ABCB4: variants seen among roughly 807,000 people sequenced by gnomAD.
ABCB4 encodes the protein phosphatidylcholine translocator ABCB4.
In ABCB4, 76 loss-of-function variants were observed where a neutral mutation model predicts 145.7. The ratio of observed to expected loss-of-function variants is 0.52; its 90% CI spans 0.43 to 0.63. The LOEUF (loss-of-function observed/expected upper bound fraction) is 0.63. Ranked by LOEUF, ABCB4 falls within the 30% of genes least tolerant of loss-of-function variation. The pLI is 0.00. For synonymous variants in ABCB4, 517 were observed against 566.8 expected, an observed-to-expected ratio of 0.91 and a Z score of 1.25; for missense variants, 1,234 against 1,553.1, an observed-to-expected ratio of 0.79 and a Z score of 3.45.
intron 2 of ABCB4, 25 bp from the exon 3 acceptor site, chr7:87,472,700 T>C (rs1813513796): frequency 6.8e-7 from 1 of 1,466,506 alleles, no homozygotes; most frequent in Non-Finnish European, 9.6e-7. Flanking sequence ...ATTGCTTCAA[T>C]TTAAAACTGT....
chr7:87,474,229 T>C (rs1813632374), intron 2 of ABCB4, among the ~76,000 whole-genome samples: 1 of 152,216 alleles, frequency 6.6e-6, no homozygotes, highest in South Asian at 2.1e-4. Context: ...GACTTCTTCA[T>C]GAAAATGCCA....
the ABCB4 span, among the ~76,000 whole-genome samples, chr7:87,377,930 T>TA: frequency 2.0e-5 from 3 of 152,168 alleles, no homozygotes; most frequent in East Asian, 5.8e-4. Context: ...ACCATTTTCA[T>TA]AAAAAATGAA....
At chr7:87,475,523 G>T in intron 1 of ABCB4, 52 bp from the exon 2 acceptor site, 1 of 1,591,444 alleles carries the variant, frequency 6.3e-7, no homozygotes, top group East Asian at 2.3e-5. Flanking sequence ...CGGCGGCCCG[G>T]CGCACGAGTC....
chr7:87,406,941 C>T (rs1808243174), intron 25 of ABCB4, among the ~76,000 whole-genome samples: 1 of 152,194 alleles, frequency 6.6e-6, no homozygotes, highest in South Asian at 2.1e-4. Context: ...GACTCTGGTC[C>T]TACCTCTACC....
intron 3 of ABCB4, among the ~76,000 whole-genome samples, chr7:87,468,375 A>T (rs1487906665): frequency 6.6e-6 from 1 of 151,936 alleles, no homozygotes; most frequent in Non-Finnish European, 1.5e-5. Flanking sequence ...ATAGACCAAT[A>T]ACGGGCTCTG....
At chr7:87,434,970 A>C (rs1218449725) in intron 14 of ABCB4, among the ~76,000 whole-genome samples, 1 of 152,216 alleles carries the variant, frequency 6.6e-6, no homozygotes, top group African/African-American at 2.4e-5. Context: ...CTGTTGCCAC[A>C]CAAGGAAGGC....
chr7:87,416,462 T>C lies in ABCB4; in HGVS notation c.2682+850A>G, dbSNP rs552714616. On this transcript the variant is annotated intron_variant, in intron 21 of 27. Coordinates refer to ENST00000649586, the MANE Select transcript of ABCB4 (RefSeq NM_000443.4). ...AAACCTATATCACAATTTATATTTA[T>C]TATCTGCTTCACTTCCTCATGTTTC... Among the ~76,000 whole-genome samples, 25 of 152,318 alleles carry C rather than the reference T, an allele frequency of 1.6e-4. No homozygotes were observed. The East Asian group carries it at 4.6e-3, about 28-fold the overall frequency.
chr7:87,442,415 T>A (rs1323918804), intron 12 of ABCB4, among the ~76,000 whole-genome samples: 7 of 152,184 alleles, frequency 4.6e-5, no homozygotes, highest in Admixed American at 3.9e-4. Context: ...CCTTATAATC[T>A]TCTGTTTTCA....
intron 24 of ABCB4, 90 bp from the exon 25 acceptor site, chr7:87,408,324 G>C (rs1437732832): frequency 7.8e-7 from 1 of 1,277,488 alleles, no homozygotes; most frequent in Non-Finnish European, 1.1e-6. Context: ...ACCAAAGACT[G>C]TAGTAGAGAA....
At chr7:87,412,591 T>A (rs1262738605) in intron 22 of ABCB4, among the ~76,000 whole-genome samples, 3 of 152,182 alleles carry the variant, frequency 2.0e-5, no homozygotes, top group Admixed American at 1.3e-4. Flanking sequence ...CTAATTTGAC[T>A]TCATGCTATA....
At chr7:87,391,662 A>C in the ABCB4 span, 2 of 1,612,224 alleles carry the variant, frequency 1.2e-6, no homozygotes, top group Non-Finnish European at 1.7e-6. Context: ...GCGATCATGC[A>C]CAGTTGAAGC....
the ABCB4 span, among the ~76,000 whole-genome samples, chr7:87,383,054 T>C: frequency 6.6e-6 from 1 of 152,192 alleles, no homozygotes; most frequent in Non-Finnish European, 1.5e-5. Flanking sequence ...TGTGTAATGG[T>C]CAAATCACGG....
intron 4 of ABCB4, among the ~76,000 whole-genome samples, chr7:87,461,194 C>T (rs537031347): frequency 1.3e-5 from 2 of 152,302 alleles, no homozygotes; most frequent in African/African-American, 4.8e-5. Context: ...TTAATTGCCA[C>T]CACCTTGGCC....
Position 87,459,911 on chromosome 7 carries a change from G to A in ABCB4, c.286+2847C>T, listed in dbSNP as rs557141428. 2.3e-4 allele frequency among the ~76,000 whole-genome samples: 35 copies of A among 152,304 alleles called. No individual in the cohort carries two copies. The South Asian group carries it at 7.2e-3, about 32-fold the overall frequency. ...TCTAATAAATGGTGCTTTATGGTTT[G>A]AAGATCAGGAAATGTGAAACCCAAA... On this transcript the variant is annotated intron_variant, in intron 4 of 27. Coordinates refer to ENST00000649586, the MANE Select transcript of ABCB4 (RefSeq NM_000443.4).
intron 27 of ABCB4, among the ~76,000 whole-genome samples, chr7:87,402,744 G>C (rs1807885563): frequency 6.6e-6 from 1 of 152,194 alleles, no homozygotes; most frequent in Non-Finnish European, 1.5e-5. Flanking sequence ...GCTCACGCCT[G>C]TAATCCCAGC....
chr7:87,398,103 CTTT>C (rs5885580), downstream of ABCB4, among the ~76,000 whole-genome samples: 1,526 of 145,096 alleles, frequency 0.011, 32 homozygotes, highest in African/African-American at 0.036. Context: ...CCTTCTCTGC[CTTT>C]TTTTTTTTTT....
At chr7:87,405,315 C>G (rs1808104106) in intron 26 of ABCB4, among the ~76,000 whole-genome samples, 1 of 151,586 alleles carries the variant, frequency 6.6e-6, no homozygotes, top group South Asian at 2.1e-4. Context: ...AAACGGAGAA[C>G]AGATTCATGT....
chr7:87,423,968 A>T lies in ABCB4; in HGVS notation c.2149T>A (p.Cys717Ser), dbSNP rs754668992. 19 of 1,614,094 alleles carry T rather than the reference A, an allele frequency of 1.2e-5. No individual in the cohort carries two copies. The highest frequency in any genetic ancestry group is 1.1e-5 in the Non-Finnish European group (13 of 1,179,984). Residue 717 changes from cysteine (C) to serine (S), a missense_variant, in exon 17 of 28, where the codon TGT becomes AGT. Physicochemically the swap from Cys to Ser is moderately radical, Grantham distance 112. This residue lies in a region of ABCB4 where 321 missense variants were observed against 332.6 expected (regional missense o/e 0.97). Transcript: ENST00000649586. ...TGAAGCCCCCCATTGGCAATGGCAC[A>T]TACTGTTCCCACGACAAAGTAGGGC... The part of the protein sequence containing the change: ...EWPYFVVGTV[C>S]AIANGGLQPA...
intron 17 of ABCB4, among the ~76,000 whole-genome samples, 158 bp from the exon 18 acceptor site, chr7:87,422,383 C>A (rs1408005037): frequency 6.6e-6 from 1 of 152,068 alleles, no homozygotes; most frequent in African/African-American, 2.4e-5. Flanking sequence ...CAAAATTTAC[C>A]ATTTTAACCA....
Sources: gnomAD v4.1 joint callset for allele counts (sites outside exome capture counted in the v4.1 genomes callset) on GRCh38, gnomAD v4.1.1 for gene constraint, gnomAD v4.1.1 regional missense constraint, MANE v1.5 for transcripts, NCBI Gene and HGNC (gene_info 2026-07-23, HGNC 2026-07-21) for gene names.